RBFOX1: variants seen among roughly 807,000 people sequenced by gnomAD.
RBFOX1 encodes the protein RNA binding protein fox-1 homolog 1.
Under a neutral mutation model 57.7 loss-of-function variants are expected in RBFOX1, and 8 were observed. That is an observed-to-expected ratio of 0.14 (90% CI 0.08 to 0.25). The LOEUF is 0.25. RBFOX1 is among the 10% of genes least tolerant of loss of function. The probability of loss-of-function intolerance (pLI) is 1.00; values close to 1 mark genes in which losing one functional copy is unlikely to be tolerated. For missense variants in RBFOX1, 611 were observed against 548.5 expected, an observed-to-expected ratio of 1.11 and a Z score of -1.14; for synonymous variants, 326 against 222.4, an observed-to-expected ratio of 1.47 and a Z score of -4.15.
intron 1 of RBFOX1, among the ~76,000 whole-genome samples, chr16:5,427,031 C>T (rs2067581867): frequency 6.6e-6 from 1 of 152,104 alleles, no homozygotes; most frequent in South Asian, 2.1e-4. Context: ...TTCATGCCAC[C>T]TCCTCTGTTT....
chr16:7,587,929 G>A (rs111655413), intron 7 of RBFOX1, among the ~76,000 whole-genome samples: 1,873 of 152,306 alleles, frequency 0.012, 23 homozygotes, highest in Non-Finnish European at 0.02. Flanking sequence ...GCTCACGCCT[G>A]TAATCCCAGC....
At chr16:6,300,886 GT>G (rs1379282559) in intron 1 of RBFOX1, among the ~76,000 whole-genome samples, 2 of 152,082 alleles carry the variant, frequency 1.3e-5, no homozygotes, top group African/African-American at 4.8e-5. Context: ...ATGTGAGCTT[GT>G]TTAGAAAATG....
At chr16:6,258,673 G>A (rs906683741) in intron 1 of RBFOX1, among the ~76,000 whole-genome samples, 1 of 152,158 alleles carries the variant, frequency 6.6e-6, no homozygotes, top group African/African-American at 2.4e-5. Flanking sequence ...AACTAAGCAG[G>A]ATAATTGTTT....
chr16:6,649,231 G>A (rs2098557201), intron 2 of RBFOX1, among the ~76,000 whole-genome samples: 1 of 152,130 alleles, frequency 6.6e-6, no homozygotes, highest in Non-Finnish European at 1.5e-5. Context: ...ACTTAACACA[G>A]TGTTCTCCAG....
chr16:7,103,970 A>C (rs1018716201), intron 4 of RBFOX1, among the ~76,000 whole-genome samples: 1 of 152,206 alleles, frequency 6.6e-6, no homozygotes, highest in Non-Finnish European at 1.5e-5. Flanking sequence ...GTTGGTTTAC[A>C]CAACTTGCTC....
intron 1 of RBFOX1, among the ~76,000 whole-genome samples, chr16:5,339,240 C>A (rs2064974512): frequency 6.6e-6 from 1 of 152,060 alleles, no homozygotes; most frequent in African/African-American, 2.4e-5. Context: ...TTCCACATAT[C>A]CATGATATTC....
At chr16:7,024,717 G>A (rs1361483304) in intron 3 of RBFOX1, among the ~76,000 whole-genome samples, 2 of 152,150 alleles carry the variant, frequency 1.3e-5, no homozygotes, top group Non-Finnish European at 2.9e-5. Flanking sequence ...TCAGCACTCT[G>A]TCCTGCTCTT....
chr16:6,073,273 C>G (rs368462478), intron 1 of RBFOX1, among the ~76,000 whole-genome samples: 150 of 152,268 alleles, frequency 9.9e-4, no homozygotes, highest in African/African-American at 3.4e-3. Flanking sequence ...CTCTGATGAG[C>G]AGGTATTAGG....
At chr16:6,891,555 G>A (rs1306840928) in intron 3 of RBFOX1, among the ~76,000 whole-genome samples, 2 of 152,120 alleles carry the variant, frequency 1.3e-5, no homozygotes, top group Admixed American at 1.3e-4. Flanking sequence ...GTCTGTGATG[G>A]TTAGTTTTTT....
chr16:7,303,014 G>A (rs2096070031), intron 4 of RBFOX1, among the ~76,000 whole-genome samples: 1 of 152,164 alleles, frequency 6.6e-6, no homozygotes, highest in African/African-American at 2.4e-5. Context: ...TCTCTTATCA[G>A]ACACGGACTT....
chr16:5,306,830 G>C (rs1325558685), intron 1 of RBFOX1, among the ~76,000 whole-genome samples: 1 of 152,126 alleles, frequency 6.6e-6, no homozygotes, highest in Non-Finnish European at 1.5e-5. Context: ...ATCACAGCTG[G>C]ATCAGAACAA....
rs1483657102 is a variant in RBFOX1, at chr16:5,811,480, C to G, written c.319-55823C>G. On this transcript the variant is annotated intron_variant, in intron 3 of 19. Transcript: ENST00000641259. ...TTTTTTTTTTTTTTTAAGATGGAAT[C>G]TCATTCTGTCACCAGGCTGGAGTGC... 4.2e-5 allele frequency among the ~76,000 whole-genome samples: 6 copies of G among 144,572 alleles called. No individual in the cohort carries two copies. The East Asian group carries it at 6.3e-4, about 15-fold the overall frequency. The allele number at this position is 144,572 out of a possible 152,430, so 94.8% of individuals were successfully genotyped here. A position where few individuals can be genotyped will look rare whatever the true frequency, so the allele number is the denominator to read the frequency against.
intron 3 of RBFOX1, among the ~76,000 whole-genome samples, chr16:6,798,489 C>T (rs1445714009): frequency 6.6e-6 from 1 of 152,084 alleles, no homozygotes; most frequent in Non-Finnish European, 1.5e-5. Context: ...GAAACATTGC[C>T]TAATTCTGAA....
At chr16:6,588,326 T>C (rs1038069949) in intron 2 of RBFOX1, among the ~76,000 whole-genome samples, 2 of 151,944 alleles carry the variant, frequency 1.3e-5, no homozygotes, top group Non-Finnish European at 2.9e-5. Context: ...TCGCACTTAG[T>C]TGTCCTTATT....
At chr16:6,249,169 C>T (rs1433267476) in intron 1 of RBFOX1, among the ~76,000 whole-genome samples, 1 of 152,068 alleles carries the variant, frequency 6.6e-6, no homozygotes, top group Non-Finnish European at 1.5e-5. Flanking sequence ...AGCATATGGG[C>T]AAAGATCAAA....
chr16:6,813,591 C>G (rs569659076), intron 3 of RBFOX1, among the ~76,000 whole-genome samples: 2 of 152,172 alleles, frequency 1.3e-5, no homozygotes, highest in East Asian at 3.9e-4. Context: ...TGCATCCAAA[C>G]CTCTCTCTCC....
chr16:5,668,387 C>T (rs1337462208), intron 3 of RBFOX1, among the ~76,000 whole-genome samples: 2 of 152,272 alleles, frequency 1.3e-5, no homozygotes, highest in Non-Finnish European at 2.9e-5. Flanking sequence ...CTCTTTTTCC[C>T]GACCTTAACA....
chr16:7,143,352 G>A (rs1467678309), intron 4 of RBFOX1, among the ~76,000 whole-genome samples: 2 of 152,030 alleles, frequency 1.3e-5, no homozygotes, highest in Non-Finnish European at 2.9e-5. Context: ...CTGAGCCACT[G>A]TAGAAAAGTG....
At chr16:6,595,924 A>T (rs1483986676) in intron 2 of RBFOX1, among the ~76,000 whole-genome samples, 20 of 152,024 alleles carry the variant, frequency 1.3e-4, no homozygotes, top group Admixed American at 1.2e-3. Context: ...CTTTTTATTA[A>T]GTTTTATTGT....
Sources: gnomAD v4.1 joint callset for allele counts (sites outside exome capture counted in the v4.1 genomes callset) on GRCh38, gnomAD v4.1.1 for gene constraint, MANE v1.5 for transcripts, NCBI Gene and HGNC (gene_info 2026-07-23, HGNC 2026-07-21) for gene names.